MFSD1: variants seen among roughly 807,000 people sequenced by gnomAD.
MFSD1 encodes major facilitator superfamily domain containing 1, also known as lysosomal dipeptide transporter MFSD1.
MFSD1 carries 59 observed loss-of-function variants against 67.1 expected under a neutral mutation model. That is an observed-to-expected ratio of 0.88 (90% CI 0.71 to 1.09). MFSD1 has a LOEUF of 1.09. Ranked by LOEUF, MFSD1 falls within the 50% of genes least tolerant of loss-of-function variation. MFSD1 has a pLI of 0.00. For synonymous variants in MFSD1, 213 were observed against 200.3 expected, an observed-to-expected ratio of 1.06 and a Z score of -0.54; for missense variants, 552 against 566.1, an observed-to-expected ratio of 0.97 and a Z score of 0.25.
intron 13 of MFSD1, chr3:158,824,437 T>C: frequency 1.8e-6 from 1 of 543,448 alleles, no homozygotes; most frequent in East Asian, 3.1e-5. Flanking sequence ...TGAGTTGGTT[T>C]CATATTCTGT....
At chr3:158,818,419 G>C (rs1730491040) in intron 7 of MFSD1, among the ~76,000 whole-genome samples, 1 of 151,810 alleles carries the variant, frequency 6.6e-6, no homozygotes, top group South Asian at 2.1e-4. Context: ...GTTAACCATA[G>C]TCATCCTGCT....
chr3:158,829,175 C>A lies in MFSD1; in HGVS notation c.*193C>A. 2.5e-6 allele frequency: 1 copy of A among 405,376 alleles called. No homozygotes were observed. Among genetic ancestry groups the A allele is most frequent in the Non-Finnish European group, 4.3e-6 (1 of 232,864 alleles). 25.1% of individuals were successfully genotyped at this position (405,376 alleles called of 1,614,324 possible). On this transcript the variant is annotated 3_prime_UTR_variant, in exon 16 of 16. Coordinates refer to ENST00000415822, the MANE Select transcript of MFSD1 (RefSeq NM_022736.4). The stretch of plus-strand genomic sequence containing the variant: ...CCTGTGTCTTTTGTATTGTGTGTTG[C>A]TAAAGAATTCTACTTTTAGTAGGCT...
intron 14 of MFSD1, 126 bp downstream of exon 14, chr3:158,826,188 G>C: frequency 1.6e-6 from 1 of 626,656 alleles, no homozygotes; most frequent in Non-Finnish European, 2.8e-6. Context: ...CATAATGATG[G>C]AAACACATTT....
intron 11 of MFSD1, 124 bp downstream of exon 11, chr3:158,822,264 T>G: frequency 1.5e-6 from 1 of 659,596 alleles, no homozygotes; most frequent in Non-Finnish European, 2.5e-6. Context: ...GATGACAACT[T>G]GATTCCAATA....
intron 15 of MFSD1, among the ~76,000 whole-genome samples, chr3:158,827,944 GGGAGA>G (rs1212046503): frequency 2.4e-4 from 2 of 8,276 alleles, no homozygotes; most frequent in Admixed American, 1.6e-3. Flanking sequence ...GAGAGAGAGG[GGGAGA>G]GAGAGAGAGA....
At chr3:158,810,143 G>T (rs977572946) in intron 6 of MFSD1, among the ~76,000 whole-genome samples, 8 of 152,254 alleles carry the variant, frequency 5.3e-5, no homozygotes, top group African/African-American at 1.9e-4. Flanking sequence ...TCCCACCTCA[G>T]CCTATAGAAT....
chr3:158,816,018 G>A (rs1457369774), intron 7 of MFSD1, among the ~76,000 whole-genome samples: 2 of 152,066 alleles, frequency 1.3e-5, no homozygotes, highest in African/African-American at 2.4e-5. Context: ...ATTCCATGGT[G>A]TATATGTGCC....
At chr3:158,814,172 T>C (rs1322322462) in intron 7 of MFSD1, 105 bp downstream of exon 7, 1 of 766,192 alleles carries the variant, frequency 1.3e-6, no homozygotes, top group African/African-American at 1.8e-5. Flanking sequence ...ACTTTGGTTA[T>C]AGTGTTGTCT....
intron 12 of MFSD1, 124 bp from the exon 13 acceptor site, chr3:158,824,000 G>GT: frequency 1.3e-6 from 1 of 752,828 alleles, no homozygotes. Flanking sequence ...GTCATCCCTG[G>GT]TGGAAAACAT....
At chr3:158,816,212 C>A (rs1456665315) in intron 7 of MFSD1, among the ~76,000 whole-genome samples, 2 of 152,062 alleles carry the variant, frequency 1.3e-5, no homozygotes, top group Non-Finnish European at 2.9e-5. Context: ...AGTTCTAGAT[C>A]CCTGAGGAAT....
chr3:158,808,560 A>G (rs1729840490), intron 5 of MFSD1, among the ~76,000 whole-genome samples: 1 of 152,222 alleles, frequency 6.6e-6, no homozygotes, highest in Admixed American at 6.5e-5. Context: ...TGCATTTTAT[A>G]TAATATCGAT....
chr3:158,827,251 GA>G, intron 14 of MFSD1, 28 bp from the exon 15 acceptor site: 1 of 1,423,278 alleles, frequency 7.0e-7, no homozygotes. Flanking sequence ...TACTTATATG[GA>G]AAAGATCTAT....
At chr3:158,824,335 C>T in intron 13 of MFSD1, 99 bp downstream of exon 13, 1 of 818,646 alleles carries the variant, frequency 1.2e-6, no homozygotes, top group South Asian at 1.7e-5. Context: ...TAATTCTCAC[C>T]TGTGAATTAG....
intron 1 of MFSD1, 119 bp downstream of exon 1, chr3:158,802,434 T>C (rs1576893639): frequency 9.0e-7 from 1 of 1,116,040 alleles, no homozygotes; most frequent in East Asian, 2.5e-5. Context: ...TGTCTTAAGC[T>C]CCTGGGCCTC....
chr3:158,812,690 T>A (rs1730093437), intron 6 of MFSD1, among the ~76,000 whole-genome samples: 2 of 152,214 alleles, frequency 1.3e-5, no homozygotes, highest in Admixed American at 1.3e-4. Context: ...AGAGTGAGTC[T>A]GCCAGTATGA....
chr3:158,827,255 A>C (rs1731022018), intron 14 of MFSD1, 25 bp from the exon 15 acceptor site: 2 of 1,451,844 alleles, frequency 1.4e-6, no homozygotes, highest in African/African-American at 2.9e-5. Flanking sequence ...TATATGGAAA[A>C]GATCTATGTT....
At chr3:158,817,093 G>A (rs1038445352) in intron 7 of MFSD1, among the ~76,000 whole-genome samples, 17 of 152,112 alleles carry the variant, frequency 1.1e-4, no homozygotes, top group South Asian at 2.1e-4. Flanking sequence ...ATGATGGGAC[G>A]TGTCTCAAAA....
intron 6 of MFSD1, among the ~76,000 whole-genome samples, chr3:158,809,659 A>C (rs12497958): frequency 0.14 from 21,388 of 152,128 alleles, 1,789 homozygotes; most frequent in African/African-American, 0.22. Context: ...TCTGTGATGA[A>C]GCAGCCCACC....
chr3:158,824,446 G>T, intron 13 of MFSD1: 2 of 464,972 alleles, frequency 4.3e-6, no homozygotes, highest in Non-Finnish European at 7.6e-6. Context: ...TTCATATTCT[G>T]TTTTAACTAT....
Sources: gnomAD v4.1 joint callset for allele counts (sites outside exome capture counted in the v4.1 genomes callset) on GRCh38, gnomAD v4.1.1 for gene constraint, MANE v1.5 for transcripts, NCBI Gene and HGNC (gene_info 2026-07-23, HGNC 2026-07-21) for gene names.